PRKG1: variants seen among roughly 807,000 people sequenced by gnomAD.
The protein encoded by PRKG1 is protein kinase cGMP-dependent 1, also known as cGMP-dependent protein kinase 1.
PRKG1 carries 35 observed loss-of-function variants against 88.1 expected under a neutral mutation model. The ratio of observed to expected loss-of-function variants is 0.40; its 90% CI spans 0.30 to 0.53. The LOEUF (loss-of-function observed/expected upper bound fraction) is 0.53. Ranked by LOEUF, PRKG1 falls within the 20% of genes least tolerant of loss-of-function variation. The pLI is 0.59. For missense variants in PRKG1, 540 were observed against 839.8 expected (o/e 0.64, Z 4.41); for synonymous variants, 303 against 292.5 (o/e 1.04, Z -0.37).
chr10:52,195,077 T>G (rs1229163977), intron 9 of PRKG1, among the ~76,000 whole-genome samples: 1 of 152,146 alleles, frequency 6.6e-6, no homozygotes, highest in African/African-American at 2.4e-5. Context: ...GGTTTTGTGA[T>G]GAGAAAGAAA....
At chr10:51,507,299 A>AT (rs1841248729) in intron 3 of PRKG1, among the ~76,000 whole-genome samples, 1 of 87,466 alleles carries the variant, frequency 1.1e-5, no homozygotes, top group African/African-American at 3.7e-5. Flanking sequence ...CTTAAAGTAT[A>AT]AAAAAAAATA....
chr10:51,790,585 A>G (rs1838844488), intron 3 of PRKG1, among the ~76,000 whole-genome samples: 1 of 152,086 alleles, frequency 6.6e-6, no homozygotes, highest in Admixed American at 6.6e-5. Flanking sequence ...AGTGTCCTTT[A>G]TTTCTTTTGA....
intron 2 of PRKG1, among the ~76,000 whole-genome samples, chr10:51,217,832 A>G (rs908943251): frequency 6.6e-6 from 1 of 152,132 alleles, no homozygotes; most frequent in African/African-American, 2.4e-5. Context: ...TGGAAAAGCT[A>G]ATTATTTTAC....
chr10:51,444,357 G>A (rs375203272), intron 2 of PRKG1, among the ~76,000 whole-genome samples: 3 of 151,782 alleles, frequency 2.0e-5, no homozygotes, highest in Non-Finnish European at 2.9e-5. Flanking sequence ...TGATAGCCAC[G>A]GCCTAAGGCA....
At chr10:51,951,267 A>G (rs1313731588) in intron 5 of PRKG1, among the ~76,000 whole-genome samples, 2 of 152,100 alleles carry the variant, frequency 1.3e-5, no homozygotes, top group Non-Finnish European at 2.9e-5. Context: ...GCAGCATCTT[A>G]TTAGAAAAGG....
chr10:51,658,736 T>G (rs1295724386), intron 3 of PRKG1, among the ~76,000 whole-genome samples: 1 of 152,134 alleles, frequency 6.6e-6, no homozygotes, highest in Non-Finnish European at 1.5e-5. Flanking sequence ...AGCGGTTCTT[T>G]TAACTTCTGG....
At chr10:51,967,678 TA>T (rs1227151910) in intron 5 of PRKG1, among the ~76,000 whole-genome samples, 1 of 152,194 alleles carries the variant, frequency 6.6e-6, no homozygotes, top group Non-Finnish European at 1.5e-5. Context: ...ACAGCCTTTT[TA>T]CTTCTTCAAC....
intron 2 of PRKG1, among the ~76,000 whole-genome samples, chr10:51,371,259 A>G (rs533115337): frequency 1.3e-4 from 20 of 152,144 alleles, no homozygotes; most frequent in African/African-American, 4.6e-4. Flanking sequence ...TGATCATGCC[A>G]GGAATGGTGG....
At chr10:52,144,160 A>T (rs1837662185) in intron 8 of PRKG1, among the ~76,000 whole-genome samples, 2 of 152,202 alleles carry the variant, frequency 1.3e-5, no homozygotes, top group South Asian at 4.1e-4. Context: ...AAGGACCTGT[A>T]TAGAAGACAA....
intron 1 of PRKG1, among the ~76,000 whole-genome samples, chr10:51,147,147 G>A (rs1174253362): frequency 6.6e-6 from 1 of 152,094 alleles, no homozygotes; most frequent in Non-Finnish European, 1.5e-5. Context: ...AGGGATGAGG[G>A]AAAGATACTG....
intron 9 of PRKG1, among the ~76,000 whole-genome samples, chr10:52,233,792 C>G (rs914968192): frequency 1.4e-4 from 22 of 151,848 alleles, no homozygotes; most frequent in Non-Finnish European, 2.8e-4. Context: ...CCGGGAAGCT[C>G]GAACTGGGTG....
At chr10:51,269,500 A>T (rs1413118726) in intron 2 of PRKG1, among the ~76,000 whole-genome samples, 1 of 152,198 alleles carries the variant, frequency 6.6e-6, no homozygotes, top group Non-Finnish European at 1.5e-5. Context: ...TAAAGAAAAT[A>T]TATTATGTAT....
intron 10 of PRKG1, among the ~76,000 whole-genome samples, chr10:52,266,519 C>G (rs1190732637): frequency 6.6e-6 from 1 of 151,994 alleles, no homozygotes; most frequent in African/African-American, 2.4e-5. Context: ...TGGCCTCCAG[C>G]TCCATCCATG....
rs761783437 is a variant in PRKG1, at chr10:51,722,037, CT to C, written c.593-82547del. On this transcript the variant is annotated intron_variant, in intron 3 of 17. Coordinates refer to ENST00000373980, the MANE Select transcript of PRKG1 (RefSeq NM_006258.4). ...AAGAGGTCAGGAGTTCAAGACCAGC[CT>C]GGCCAAGATGGTGAAACCTTGTCTC... Among the ~76,000 whole-genome samples the C allele has an allele frequency of 2.0e-5, 3 of 152,136 alleles. No homozygotes were observed. The East Asian group carries it at 5.8e-4, about 29-fold the overall frequency.
At chr10:51,440,463 TG>T (rs1839069410) in intron 2 of PRKG1, among the ~76,000 whole-genome samples, 1 of 151,910 alleles carries the variant, frequency 6.6e-6, no homozygotes, top group African/African-American at 2.4e-5. Flanking sequence ...TCTTTTGTCT[TG>T]GGAACTATTA....
chr10:52,130,667 G>T (rs1182393957), intron 7 of PRKG1, among the ~76,000 whole-genome samples: 1 of 152,062 alleles, frequency 6.6e-6, no homozygotes, highest in Non-Finnish European at 1.5e-5. Context: ...AACTTATGCT[G>T]CCATGAACAA....
intron 6 of PRKG1, among the ~76,000 whole-genome samples, chr10:52,056,449 A>G (rs1027432998): frequency 6.6e-6 from 1 of 152,208 alleles, no homozygotes; most frequent in Non-Finnish European, 1.5e-5. Flanking sequence ...TTTACTGCCT[A>G]AAAGTAATGC....
intron 4 of PRKG1, among the ~76,000 whole-genome samples, chr10:51,901,532 T>C (rs1841978474): frequency 6.6e-6 from 1 of 152,230 alleles, no homozygotes; most frequent in Non-Finnish European, 1.5e-5. Context: ...GGGTTTCATT[T>C]GTCTCTTAAT....
At chr10:51,430,727 A>C (rs983207610) in intron 2 of PRKG1, among the ~76,000 whole-genome samples, 3 of 152,228 alleles carry the variant, frequency 2.0e-5, no homozygotes, top group Admixed American at 1.3e-4. Context: ...TGGAAAAACA[A>C]AACGTGTTAT....
Sources: allele counts gnomAD v4.1 joint callset (sites outside exome capture counted in the v4.1 genomes callset), GRCh38; gene constraint gnomAD v4.1.1; transcripts MANE v1.5; gene names NCBI Gene and HGNC (gene_info 2026-07-23, HGNC 2026-07-21).